RNF216: variants seen among roughly 807,000 people sequenced by gnomAD.
RNF216 encodes the protein ring finger protein 216, also known as E3 ubiquitin-protein ligase RNF216.
RNF216 carries 72 observed loss-of-function variants against 110.8 expected under a neutral mutation model. The ratio of observed to expected loss-of-function variants is 0.65; its 90% CI spans 0.54 to 0.79. The LOEUF (loss-of-function observed/expected upper bound fraction) is 0.79. RNF216 is among the 30% of genes least tolerant of loss of function. RNF216 has a pLI of 0.00. For synonymous variants in RNF216, 495 were observed against 407.5 expected, an observed-to-expected ratio of 1.21 and a Z score of -2.59; for missense variants, 1,342 against 1,141.2, an observed-to-expected ratio of 1.18 and a Z score of -2.54.
chr7:5,686,967 C>T (rs549022612), intron 13 of RNF216, among the ~76,000 whole-genome samples: 1 of 152,326 alleles, frequency 6.6e-6, no homozygotes, highest in Non-Finnish European at 1.5e-5. Flanking sequence ...GTGCTCACCT[C>T]CTGTGTGGCC....
At chr7:5,737,786 A>G (rs1794513319) in intron 5 of RNF216, among the ~76,000 whole-genome samples, 1 of 152,034 alleles carries the variant, frequency 6.6e-6, no homozygotes, top group South Asian at 2.1e-4. Context: ...TTAGTGAACT[A>G]TTTTGTTTAA....
chr7:5,724,222 G>A (rs1488109406), intron 8 of RNF216, among the ~76,000 whole-genome samples: 1 of 152,164 alleles, frequency 6.6e-6, no homozygotes, highest in African/African-American at 2.4e-5. Context: ...GGGCACACAG[G>A]GAAGAGGAGA....
intron 15 of RNF216, among the ~76,000 whole-genome samples, chr7:5,633,405 G>A (rs1035065883): frequency 1.2e-4 from 18 of 151,936 alleles, no homozygotes; most frequent in South Asian, 4.2e-4. Flanking sequence ...GTGAAACCCC[G>A]TCTCTACTAA....
At chr7:5,655,262 C>T (rs951142332) in intron 13 of RNF216, among the ~76,000 whole-genome samples, 3 of 152,112 alleles carry the variant, frequency 2.0e-5, no homozygotes, top group African/African-American at 7.2e-5. Flanking sequence ...TGTAGGTGAA[C>T]GTGTGGGTTT....
intron 15 of RNF216, among the ~76,000 whole-genome samples, chr7:5,632,219 C>G (rs997439514): frequency 6.6e-6 from 1 of 152,232 alleles, no homozygotes; most frequent in East Asian, 1.9e-4. Context: ...GGGCTGCTGG[C>G]TGCATCTTTA....
intron 13 of RNF216, among the ~76,000 whole-genome samples, chr7:5,661,346 G>A (rs1211425073): frequency 6.6e-6 from 1 of 151,824 alleles, no homozygotes; most frequent in East Asian, 1.9e-4. Context: ...ACAGGTGTGC[G>A]CCACCATGCC....
chr7:5,761,266 G>A (rs1281410667), intron 1 of RNF216, 128 bp from the exon 2 acceptor site: 4 of 419,706 alleles, frequency 9.5e-6, no homozygotes, highest in East Asian at 3.9e-5. Flanking sequence ...CAAGGAGGTG[G>A]GTCAAAAAAA....
intron 13 of RNF216, among the ~76,000 whole-genome samples, chr7:5,657,336 G>A (rs568123694): frequency 7.6e-4 from 115 of 152,316 alleles, no homozygotes; most frequent in African/African-American, 2.6e-3. Flanking sequence ...GGGAGGTGGA[G>A]GCAGGTGGAT....
chr7:5,676,659 G>C (rs1457905143), intron 13 of RNF216, among the ~76,000 whole-genome samples: 2 of 152,222 alleles, frequency 1.3e-5, no homozygotes, highest in African/African-American at 4.8e-5. Flanking sequence ...CAATTGGGAG[G>C]AGCAGCTTCC....
At position 5,626,328 on chromosome 7, in the gene RNF216, C is replaced by T. The variant is rs913938787; in HGVS notation, c.2383-2203G>A. ...AGTTTGAAGGCCTCCATGTGAATAT[C>T]AAGGTAGATGCTATCAACTCTCTAG... On this transcript the variant is annotated intron_variant, in intron 15 of 16. Transcript: ENST00000389902. 2.6e-5 allele frequency among the ~76,000 whole-genome samples: 4 copies of T among 151,322 alleles called. No homozygotes were observed. In the South Asian group the frequency reaches 6.3e-4, roughly 24 times the overall value.
chr7:5,769,032 A>G (rs1796355326), intron 1 of RNF216, among the ~76,000 whole-genome samples: 1 of 152,154 alleles, frequency 6.6e-6, no homozygotes. Flanking sequence ...TTGACTAAAT[A>G]AACTGAAAGA....
chr7:5,663,885 G>A (rs1180610743), intron 13 of RNF216, among the ~76,000 whole-genome samples: 1 of 151,982 alleles, frequency 6.6e-6, no homozygotes, highest in African/African-American at 2.4e-5. Context: ...GCGACAGAGA[G>A]GGAGTCCGTC....
Position 5,715,213 on chromosome 7 carries a change from C to T in RNF216, c.1696-23G>A, listed in dbSNP as rs968268276. On this transcript the variant is annotated intron_variant, in intron 10 of 16. Transcript: ENST00000389902. ...ATCCTGCAGGCAGTCAAGAAACACA[C>T]ATGAAATGTCCTGCACTTAAGGAGA... 7 of 1,608,796 alleles carry T rather than the reference C, an allele frequency of 4.4e-6. No individual in the cohort carries two copies. The Admixed American group carries it at 8.4e-5, about 19-fold the overall frequency.
rs537604748 is a variant in RNF216 at position 5,684,204 on chromosome 7, G to A, written c.2061+27557C>T. 1.1e-3 allele frequency among the ~76,000 whole-genome samples: 150 copies of A among 142,802 alleles called. 1 individual carries two copies. The highest frequency in any genetic ancestry group is 3.4e-3 in the African/African-American group (129 of 38,432). The allele number at this position is 142,802 out of a possible 152,430, so 93.7% of individuals were successfully genotyped here. On this transcript the variant is annotated intron_variant, in intron 13 of 16. Coordinates refer to ENST00000389902, the MANE Select transcript of RNF216 (RefSeq NM_207111.4). ...TGCAAGCTCCACCTTCCAGGTTCAC[G>A]CCATTCTCCCACCTCAGCCTCCGGA... is the stretch of plus-strand genomic sequence containing the variant.
At chr7:5,718,734 A>T (rs1239309780) in intron 9 of RNF216, among the ~76,000 whole-genome samples, 1 of 152,000 alleles carries the variant, frequency 6.6e-6, no homozygotes, top group Non-Finnish European at 1.5e-5. Context: ...TTTAGTAGAG[A>T]CAGAGTTTTG....
At chr7:5,623,705 A>G (rs1786532739) in intron 16 of RNF216, among the ~76,000 whole-genome samples, 2 of 152,124 alleles carry the variant, frequency 1.3e-5, no homozygotes, top group South Asian at 2.1e-4. Flanking sequence ...AGGAGCTGGG[A>G]TCGCAGATGT....
chr7:5,656,174 C>G (rs562780477), intron 13 of RNF216, among the ~76,000 whole-genome samples: 1 of 152,266 alleles, frequency 6.6e-6, no homozygotes, highest in South Asian at 2.1e-4. Flanking sequence ...GAAGCTGAGA[C>G]AGGAGAATTG....
intron 3 of RNF216, among the ~76,000 whole-genome samples, chr7:5,750,823 G>A (rs891206884): frequency 6.6e-6 from 1 of 152,210 alleles, no homozygotes; most frequent in Non-Finnish European, 1.5e-5. Flanking sequence ...ACCATCAGTA[G>A]TAGCCTCTGC....
chr7:5,749,149 AT>A (rs71004700), intron 3 of RNF216, among the ~76,000 whole-genome samples: 85,432 of 115,004 alleles, frequency 0.74, 30,862 homozygotes, highest in East Asian at 0.9. Context: ...ATGCCCATGT[AT>A]TTTTTTTTTT....
Sources: allele counts gnomAD v4.1 joint callset (sites outside exome capture counted in the v4.1 genomes callset), GRCh38; gene constraint gnomAD v4.1.1; transcripts MANE v1.5; gene names NCBI Gene and HGNC (gene_info 2026-07-23, HGNC 2026-07-21).